The following FSTL4 variants were observed in gnomAD, a reference collection of about 807,000 sequenced individuals.
FSTL4 encodes follistatin-related protein 4.
FSTL4 carries 28 observed loss-of-function variants against 78.2 expected under a neutral mutation model. The ratio of observed to expected loss-of-function variants is 0.36; its 90% CI spans 0.27 to 0.49. FSTL4 has a LOEUF of 0.49. Ranked by LOEUF, FSTL4 falls within the 20% of genes least tolerant of loss-of-function variation. The pLI, the probability that FSTL4 is intolerant of heterozygous loss-of-function variation, is 0.98. For missense variants in FSTL4, 922 were observed against 1,084.9 expected (o/e 0.85, Z 2.11); for synonymous variants, 422 against 440.5 (o/e 0.96, Z 0.53).
the FSTL4 span, among the ~76,000 whole-genome samples, chr5:133,766,813 A>C: frequency 6.6e-6 from 1 of 152,208 alleles, no homozygotes; most frequent in African/African-American, 2.4e-5. Flanking sequence ...AACAAACAAT[A>C]TAATGTAGAG....
the FSTL4 span, among the ~76,000 whole-genome samples, chr5:133,659,430 A>G: frequency 1.1e-4 from 16 of 152,056 alleles, no homozygotes; most frequent in East Asian, 2.3e-3. Flanking sequence ...TATTTCTGGT[A>G]TATCTTTTCC....
At chr5:133,677,263 G>C in the FSTL4 span, among the ~76,000 whole-genome samples, 1 of 152,194 alleles carries the variant, frequency 6.6e-6, no homozygotes, top group Admixed American at 6.5e-5. Context: ...CTTTTCCTGA[G>C]AGGCAAATCT....
the FSTL4 span, among the ~76,000 whole-genome samples, chr5:133,714,671 T>C: frequency 6.6e-6 from 1 of 152,128 alleles, no homozygotes; most frequent in East Asian, 1.9e-4. Context: ...AGGAACTGAG[T>C]CAGATCCTTT....
chr5:133,508,971 T>C lies in FSTL4; in HGVS notation c.160+58215A>G, dbSNP rs184726828. On this transcript the variant is annotated intron_variant, in intron 3 of 15. Transcript: ENST00000265342. The stretch of plus-strand genomic sequence containing the variant: ...TAAGTGTTAATCTTGTAATCCTTCC[T>C]TGTTTCTCAAGGAAGGAAAGCATAC... 5.7e-4 allele frequency among the ~76,000 whole-genome samples: 87 copies of C among 152,276 alleles called. 1 individual carries two copies. Among genetic ancestry groups the C allele is most frequent in the East Asian group, 2.1e-3 (11 of 5,182 alleles).
At chr5:133,332,625 A>G (rs1429182972) in intron 4 of FSTL4, among the ~76,000 whole-genome samples, 1 of 152,224 alleles carries the variant, frequency 6.6e-6, no homozygotes, top group African/African-American at 2.4e-5. Context: ...TTGCTTCAGA[A>G]TGTGTTAACC....
the FSTL4 span, among the ~76,000 whole-genome samples, chr5:133,724,338 T>A: frequency 1.3e-5 from 2 of 152,302 alleles, no homozygotes; most frequent in Admixed American, 1.3e-4. Flanking sequence ...GGAGATTGGG[T>A]GGCAGAGGCA....
chr5:133,275,752 A>G (rs1752869256), intron 6 of FSTL4: 1 of 152,194 alleles, frequency 6.6e-6, no homozygotes, highest in Non-Finnish European at 1.5e-5. Context: ...TGAGCAAAGC[A>G]AGGCTTAAAG....
intron 6 of FSTL4, chr5:133,312,268 GT>G (rs61605690): frequency 5.6e-6 from 1 of 178,226 alleles, no homozygotes; most frequent in East Asian, 1.6e-4. Context: ...CCTGCAGGGT[GT>G]TTTTCTCCAG....
At chr5:133,748,902 T>G in the FSTL4 span, among the ~76,000 whole-genome samples, 1 of 152,126 alleles carries the variant, frequency 6.6e-6, no homozygotes, top group Non-Finnish European at 1.5e-5. Flanking sequence ...AGCTCTCTCA[T>G]AACAGTCAGG....
chr5:133,590,125 G>A (rs980596296), intron 2 of FSTL4, among the ~76,000 whole-genome samples: 4 of 95,082 alleles, frequency 4.2e-5, no homozygotes, highest in Admixed American at 2.0e-4. Flanking sequence ...TTATTTATTT[G>A]AGACACAGTC....
At chr5:133,723,423 C>T in the FSTL4 span, among the ~76,000 whole-genome samples, 2 of 152,192 alleles carry the variant, frequency 1.3e-5, no homozygotes, top group Admixed American at 6.5e-5. Context: ...TGAGGTACCA[C>T]ACAGTGGTGA....
chr5:133,273,846 TCCC>T (rs1421716441), intron 6 of FSTL4, among the ~76,000 whole-genome samples: 1 of 151,960 alleles, frequency 6.6e-6, no homozygotes, highest in Non-Finnish European at 1.5e-5. Flanking sequence ...CCACCGTCCT[TCCC>T]CCAAGCATGA....
intron 6 of FSTL4, among the ~76,000 whole-genome samples, chr5:133,268,484 G>A (rs1477059014): frequency 1.3e-5 from 2 of 152,154 alleles, no homozygotes; most frequent in African/African-American, 4.8e-5. Context: ...GTTCCTGGGT[G>A]ACTGAGGAGT....
chr5:133,220,316 G>T (rs1016116265), intron 12 of FSTL4, among the ~76,000 whole-genome samples: 1 of 152,244 alleles, frequency 6.6e-6, no homozygotes, highest in Non-Finnish European at 1.5e-5. Context: ...GCCTCCTAAG[G>T]CTATCCTGGA....
the FSTL4 span, among the ~76,000 whole-genome samples, chr5:133,768,999 G>A: frequency 1.3e-5 from 2 of 152,238 alleles, no homozygotes; most frequent in African/African-American, 4.8e-5. Context: ...ATAGGACACA[G>A]AGCCTGTTGC....
chr5:133,221,902 T>TTTGTTTG (rs1407135789), intron 11 of FSTL4, among the ~76,000 whole-genome samples: 1 of 99,698 alleles, frequency 1.0e-5, no homozygotes, highest in African/African-American at 8.4e-5. Context: ...TTTTTTTTTT[T>TTTGTTTG]TTTTTTTTTT....
intron 6 of FSTL4, among the ~76,000 whole-genome samples, chr5:133,254,447 A>G (rs553621225): frequency 6.6e-6 from 1 of 152,376 alleles, no homozygotes; most frequent in African/African-American, 2.4e-5. Context: ...TTGGCCCATC[A>G]GGCCTGGGCC....
chr5:133,777,816 G>T, the FSTL4 span, among the ~76,000 whole-genome samples: 5 of 152,160 alleles, frequency 3.3e-5, no homozygotes, highest in Admixed American at 6.5e-5. Context: ...GGCCATGAAG[G>T]TTGTTTCCAT....
chr5:133,236,075 A>C lies in FSTL4; in HGVS notation c.895-2538T>G, dbSNP rs141527519. Among the ~76,000 whole-genome samples the C allele has an allele frequency of 8.0e-4, 121 of 151,882 alleles. No homozygotes were observed. The highest frequency in any genetic ancestry group is 3.4e-3 in the Middle Eastern group (1 of 290). On this transcript the variant is annotated intron_variant, in intron 7 of 15. Coordinates refer to ENST00000265342, the MANE Select transcript of FSTL4 (RefSeq NM_015082.2). The surrounding 1 kb of genome is among the most constrained non-coding windows in gnomAD (Gnocchi z 5.0). ...GACACCATCCGAGAGGGCAAAAACC[A>C]GAGCTGCTTGCAGGGAGCCTGGCGC...
Sources: allele counts gnomAD v4.1 joint callset (sites outside exome capture counted in the v4.1 genomes callset), GRCh38; gene constraint gnomAD v4.1.1; non-coding constraint Gnocchi (gnomAD v3.1); transcripts MANE v1.5; gene names NCBI Gene and HGNC (gene_info 2026-07-23, HGNC 2026-07-21).